The following ALX4 variants were observed in gnomAD, a reference collection of about 807,000 sequenced individuals.
ALX4 encodes the protein homeobox protein aristaless-like 4.
ALX4 carries 22 observed loss-of-function variants against 40.6 expected under a neutral mutation model. The ratio of observed to expected loss-of-function variants is 0.54; its 90% CI spans 0.39 to 0.77. The LOEUF (loss-of-function observed/expected upper bound fraction) is 0.77. Ranked by LOEUF, ALX4 falls within the 30% of genes least tolerant of loss-of-function variation. The pLI, the probability that ALX4 is intolerant of heterozygous loss-of-function variation, is 0.00. For synonymous variants in ALX4, 266 were observed against 240.5 expected, an observed-to-expected ratio of 1.11 and a Z score of -0.98; for missense variants, 556 against 564.8, an observed-to-expected ratio of 0.98 and a Z score of 0.16.
Position 44,309,964 on chromosome 11 carries a change from A to C in ALX4, c.99T>G (p.Pro33=), listed in dbSNP as rs375641880. Residue 33 remains proline (P), a synonymous_variant, in exon 1 of 4, where the codon CCT becomes CCG. Transcript: ENST00000652299. ...PVSQSREGSS[P]FRAFPGGDKF... is the part of the protein sequence containing the mutation. ...TGTCGCCTCCGGGAAATGCCCTAAA[A>C]GGCGACGAGCCCTCCCGACTCTGCG... The C allele has an allele frequency of 6.3e-7, 1 of 1,595,794 alleles. No individual in the cohort carries two copies. The highest frequency in any genetic ancestry group is 8.5e-7 in the Non-Finnish European group (1 of 1,171,258).
Position 44,265,474 on chromosome 11 carries a change from G to A in ALX4, c.907-291C>T, listed in dbSNP as rs111457085. Among the ~76,000 whole-genome samples, 5 of 152,234 alleles carry A rather than the reference G, an allele frequency of 3.3e-5. 1 individual carries two copies. Among genetic ancestry groups the A allele is most frequent in the African/African-American group, 1.2e-4 (5 of 41,546 alleles). On this transcript the variant is annotated intron_variant, in intron 3 of 3. Coordinates refer to ENST00000652299, the MANE Select transcript of ALX4 (RefSeq NM_021926.4). ...GGTGACACCCCAGCACCCCCCAGCT[G>A]GCTTCCTATTTTTAGACTCAACTGT...
intron 1 of ALX4, among the ~76,000 whole-genome samples, chr11:44,306,480 C>T (rs1185992368): frequency 6.6e-6 from 1 of 152,234 alleles, no homozygotes; most frequent in Non-Finnish European, 1.5e-5. Context: ...AGGAAGAGGC[C>T]TCCGAGCTTC....
rs1564998664 is a variant in ALX4, at chr11:44,267,545, G to A, written c.855C>T (p.Phe285=). 1 of 1,614,166 alleles carries A rather than the reference G, an allele frequency of 6.2e-7. No individual in the cohort carries two copies. The highest frequency in any genetic ancestry group is 8.5e-7 in the Non-Finnish European group (1 of 1,180,044). The change falls in exon 3 of 4, where the codon TTC becomes TTT. Residue 285 remains phenylalanine, a synonymous_variant. Coordinates refer to ENST00000652299, the MANE Select transcript of ALX4 (RefSeq NM_021926.4). ...GGAGGGGCAGCTCATATGCAGTGGAGAAGTGGGTTCGAACCTGCTGCATCT... is the reference window on the plus strand; with the variant it reads ...GGAGGGGCAGCTCATATGCAGTGGAAAAGTGGGTTCGAACCTGCTGCATCT... The part of the protein sequence containing the change: ...FGQMQQVRTH[F]STAYELPLLT...
intron 1 of ALX4, among the ~76,000 whole-genome samples, chr11:44,293,692 C>T (rs2119860608): frequency 6.6e-6 from 1 of 152,380 alleles, no homozygotes; most frequent in East Asian, 1.9e-4. Flanking sequence ...CTGGCCCTCA[C>T]TGTCCACCTG....
At chr11:44,288,237 A>T (rs1372748219) in intron 1 of ALX4, among the ~76,000 whole-genome samples, 4 of 152,044 alleles carry the variant, frequency 2.6e-5, no homozygotes, top group Non-Finnish European at 5.9e-5. Context: ...CATGTATATC[A>T]ATACATACAT....
intron 1 of ALX4, among the ~76,000 whole-genome samples, chr11:44,303,157 C>A (rs1956444621): frequency 6.6e-6 from 1 of 152,170 alleles, no homozygotes; most frequent in Non-Finnish European, 1.5e-5. Context: ...CCCTGGAGAG[C>A]CAGTTGTTCT....
intron 2 of ALX4, among the ~76,000 whole-genome samples, chr11:44,271,359 C>T (rs1474864034): frequency 6.6e-6 from 1 of 152,246 alleles, no homozygotes; most frequent in Non-Finnish European, 1.5e-5. Context: ...TACTGAGTGG[C>T]TGCTGTTAAC....
chr11:44,278,984 A>G (rs887469271), intron 1 of ALX4, among the ~76,000 whole-genome samples: 11 of 152,284 alleles, frequency 7.2e-5, no homozygotes, highest in Non-Finnish European at 1.5e-4. Context: ...CATTTAGACA[A>G]CAAAGAAAAA....
chr11:44,268,509 G>A (rs1357673206), intron 2 of ALX4, among the ~76,000 whole-genome samples: 1 of 152,180 alleles, frequency 6.6e-6, no homozygotes, highest in Non-Finnish European at 1.5e-5. Context: ...ATGGGATGTT[G>A]GCCTGATTGG....
At chr11:44,282,266 C>T (rs560136478) in intron 1 of ALX4, among the ~76,000 whole-genome samples, 2 of 152,190 alleles carry the variant, frequency 1.3e-5, no homozygotes, top group Non-Finnish European at 2.9e-5. Flanking sequence ...AACCTCATTA[C>T]CCACTATGGA....
intron 1 of ALX4, among the ~76,000 whole-genome samples, chr11:44,284,743 C>T (rs989677388): frequency 5.9e-5 from 9 of 151,940 alleles, no homozygotes; most frequent in Non-Finnish European, 1.2e-4. Context: ...CTTCCTTCTA[C>T]CTAGCATGTC....
chr11:44,300,571 A>G (rs1289038064), intron 1 of ALX4, among the ~76,000 whole-genome samples: 1 of 152,158 alleles, frequency 6.6e-6, no homozygotes, highest in Non-Finnish European at 1.5e-5. Context: ...CTCAAAGGGT[A>G]TAGTGTGAGG....
chr11:44,309,336 G>A (rs989205151), intron 1 of ALX4, among the ~76,000 whole-genome samples: 2 of 152,242 alleles, frequency 1.3e-5, no homozygotes, highest in African/African-American at 4.8e-5. Context: ...AGCGGTTTGG[G>A]GAAATGCCGA....
rs186316182 is a variant in ALX4, at chr11:44,301,459, T to C, written c.466+8138A>G. ...TGGGCAGAGAGCAGGAGTCCCAGCCTGGTGGGGCTGCATTAGAGTCAGGTC... is the reference window on the plus strand; with the variant it reads ...TGGGCAGAGAGCAGGAGTCCCAGCCCGGTGGGGCTGCATTAGAGTCAGGTC... On this transcript the variant is annotated intron_variant, in intron 1 of 3. Transcript: ENST00000652299. Among the ~76,000 whole-genome samples the C allele has an allele frequency of 1.3e-3, 193 of 152,298 alleles. 2 individuals are homozygous for C. The highest frequency in any genetic ancestry group is 2.1e-3 in the Non-Finnish European group (140 of 68,016).
At position 44,309,703 on chromosome 11, in the gene ALX4, C is replaced by T. The variant is rs199971294; in HGVS notation, c.360G>A (p.Pro120=). 2 of 1,582,820 alleles carry T rather than the reference C, an allele frequency of 1.3e-6. No homozygotes were observed. The highest frequency in any genetic ancestry group is 8.6e-7 in the Non-Finnish European group (1 of 1,167,184). The change falls in exon 1 of 4, where the codon CCG becomes CCA. Residue 120 remains proline (P), a synonymous_variant. Transcript: ENST00000652299. ...QQPQPQPPAQ[P]HLYLQRGACK... is the part of the protein sequence containing the mutation. Reference sequence around the variant, plus strand: ...AGGCGCCTCGCTGCAAGTAAAGATGCGGTTGCGCGGGCGGCTGGGGCTGCG... The same window carrying T: ...AGGCGCCTCGCTGCAAGTAAAGATGTGGTTGCGCGGGCGGCTGGGGCTGCG...
In ALX4 at chr11:44,264,839, G is replaced by A; in HGVS notation, c.*15C>T. The A allele has an allele frequency of 6.2e-7, 1 of 1,612,046 alleles. No homozygotes were observed. On this transcript the variant is annotated 3_prime_UTR_variant, in exon 4 of 4. Transcript: ENST00000652299. Reference sequence around the variant, plus strand: ...CCATGGTGTCCCGAGGTGGGGACGGGGCAGGGGTGCCCTGTCATGTGGCCC... The same window carrying A: ...CCATGGTGTCCCGAGGTGGGGACGGAGCAGGGGTGCCCTGTCATGTGGCCC...
intron 1 of ALX4, among the ~76,000 whole-genome samples, chr11:44,290,772 T>G (rs1041604521): frequency 6.6e-6 from 1 of 152,232 alleles, no homozygotes; most frequent in South Asian, 2.1e-4. Context: ...ACTTGACCTT[T>G]GTGTGCTTCA....
intron 1 of ALX4, among the ~76,000 whole-genome samples, chr11:44,295,392 C>T (rs558829104): frequency 1.1e-4 from 16 of 152,314 alleles, no homozygotes; most frequent in African/African-American, 3.6e-4. Context: ...GAACAGTTTC[C>T]ATGATTTTCC....
intron 1 of ALX4, among the ~76,000 whole-genome samples, chr11:44,297,672 C>T (rs973143874): frequency 2.0e-5 from 3 of 151,962 alleles, no homozygotes; most frequent in Admixed American, 6.6e-5. Flanking sequence ...GCTGAGATTG[C>T]GCCACTGCAC....
Sources: gnomAD v4.1 joint callset for allele counts (sites outside exome capture counted in the v4.1 genomes callset) on GRCh38, gnomAD v4.1.1 for gene constraint, MANE v1.5 for transcripts, NCBI Gene and HGNC (gene_info 2026-07-23, HGNC 2026-07-21) for gene names.